Variants in HERC1 observed in about 807,000 individuals in gnomAD.
The protein encoded by HERC1 is probable E3 ubiquitin-protein ligase HERC1.
A neutral mutation model predicts 554.3 loss-of-function variants in HERC1; 160 were observed. That is an observed-to-expected ratio of 0.29 (90% CI 0.25 to 0.33). The LOEUF is 0.33. Ranked by LOEUF, HERC1 falls within the 10% of genes least tolerant of loss-of-function variation. The pLI is 1.00. For synonymous variants in HERC1, 2,175 were observed against 2,131.7 expected, an observed-to-expected ratio of 1.02 and a Z score of -0.56; for missense variants, 4,919 against 5,918.5, an observed-to-expected ratio of 0.83 and a Z score of 5.54.
chr15:63,668,250 T>A (rs1039602435), intron 40 of HERC1, among the ~76,000 whole-genome samples: 22 of 151,938 alleles, frequency 1.4e-4, no homozygotes, highest in African/African-American at 5.1e-4. Flanking sequence ...AATATCAGAT[T>A]GGATTAAAAA....
rs770844465 is a variant in HERC1 at position 63,612,443 on chromosome 15, T to A, written c.14208A>T (p.Glu4736Asp). ...MVCGMPEISV[E>D]VLKKVVRYRE... is the part of the protein sequence containing the mutation. ...GGTACCGCACCACTTTCTTCAAGACTTCCACAGAGATCTCGGGCATCCCAC... is the reference window on the plus strand; with the variant it reads ...GGTACCGCACCACTTTCTTCAAGACATCCACAGAGATCTCGGGCATCCCAC... The change falls in exon 77 of 78, where the codon GAA becomes GAT. Residue 4736 changes from glutamate to aspartate, a missense_variant. Transcript: ENST00000443617. The surrounding 1 kb of genome is among the most constrained non-coding windows in gnomAD (Gnocchi z 5.0). 4 of 1,614,020 alleles carry A rather than the reference T, an allele frequency of 2.5e-6. No individual in the cohort carries two copies. In the South Asian group the frequency reaches 4.4e-5, roughly 18 times the overall value.
intron 40 of HERC1, among the ~76,000 whole-genome samples, chr15:63,667,441 A>T (rs1766448051): frequency 6.6e-6 from 1 of 152,220 alleles, no homozygotes; most frequent in Admixed American, 6.5e-5. Context: ...TCAAATGTCT[A>T]CTGATGAAAA....
In HERC1 at chr15:63,678,362, T is replaced by C. The variant is rs1476536854; in HGVS notation, c.6553A>G (p.Lys2185Glu). Residue 2185 changes from lysine to glutamate, a missense_variant, in exon 37 of 78, where the codon AAA (lysine) becomes GAA (glutamate). Lys to Glu is a moderately conservative substitution (Grantham distance 56). Coordinates refer to ENST00000443617, the MANE Select transcript of HERC1 (RefSeq NM_003922.4). The part of the protein sequence containing the change: ...FYSSNPGEKV[K>E]ICDMQMRGTP... The stretch of plus-strand genomic sequence containing the variant: ...CCACGCATCTGCATATCACAAATTT[T>C]CACCTATATAAAAGTAAAGAGGGTG... The C allele has an allele frequency of 6.3e-7, 1 of 1,586,770 alleles. No individual in the cohort carries two copies. The highest frequency in any genetic ancestry group is 8.6e-7 in the Non-Finnish European group (1 of 1,168,406).
intron 34 of HERC1, among the ~76,000 whole-genome samples, chr15:63,685,354 C>A (rs2071694633): frequency 1.3e-5 from 2 of 152,196 alleles, no homozygotes; most frequent in South Asian, 4.1e-4. Context: ...ACCTGTGCTG[C>A]CTATTATATG....
intron 1 of HERC1, among the ~76,000 whole-genome samples, chr15:63,801,387 T>C (rs1047900403): frequency 5.9e-5 from 9 of 152,190 alleles, no homozygotes; most frequent in Admixed American, 5.2e-4. Context: ...TGATGCTAAC[T>C]CTGGATAGTG....
At chr15:63,817,956 T>C (rs967232721) in intron 1 of HERC1, among the ~76,000 whole-genome samples, 2 of 152,074 alleles carry the variant, frequency 1.3e-5, no homozygotes, top group Admixed American at 6.5e-5. Context: ...ATTCCCATAA[T>C]AGATTAATCC....
At chr15:63,769,834 C>A (rs1487819888) in intron 2 of HERC1, among the ~76,000 whole-genome samples, 1 of 152,128 alleles carries the variant, frequency 6.6e-6, no homozygotes. Flanking sequence ...CCAGCCTGGG[C>A]ATCAGAGCAA....
intron 54 of HERC1, among the ~76,000 whole-genome samples, chr15:63,649,130 G>A (rs573347933): frequency 2.6e-5 from 4 of 152,268 alleles, no homozygotes; most frequent in East Asian, 3.9e-4. Context: ...CAAGGTGGGC[G>A]GATCACAAGG....
intron 64 of HERC1, 137 bp from the exon 65 acceptor site, chr15:63,636,279 T>TG (rs1279623687): frequency 7.7e-6 from 6 of 781,054 alleles, no homozygotes; most frequent in Non-Finnish European, 1.2e-5. Context: ...ATTAGTTTTT[T>TG]TTTTTTTTTT....
At chr15:63,767,931 T>C (rs759550276) in intron 2 of HERC1, among the ~76,000 whole-genome samples, 3 of 152,212 alleles carry the variant, frequency 2.0e-5, no homozygotes, top group Non-Finnish European at 2.9e-5. Flanking sequence ...TCTCTTCATA[T>C]AGCTTCCTTT....
At chr15:63,618,321 G>A (rs560240690) in intron 74 of HERC1, among the ~76,000 whole-genome samples, 1,968 of 152,154 alleles carry the variant, frequency 0.013, 41 homozygotes, top group African/African-American at 0.044. Flanking sequence ...GTAGATATGC[G>A]GCATTATTTC....
chr15:63,772,568 G>C (rs1454651521), intron 2 of HERC1, among the ~76,000 whole-genome samples: 1 of 151,466 alleles, frequency 6.6e-6, no homozygotes, highest in East Asian at 1.9e-4. Flanking sequence ...CTTGAAAGGA[G>C]TATAACATAA....
Position 63,654,254 on chromosome 15 carries a change from T to C in HERC1, c.10155A>G (p.Gln3385=), listed in dbSNP as rs538333871. ...TGCGCACGAGTTGCTGAGCTGCCCA[T>C]TGCCGATGCTGTGAGGACAGCCTGG... The part of the protein sequence containing the change: ...LSSRLSSQHR[Q]WAAQQLVRTL... Residue 3385 remains glutamine, a synonymous_variant, in exon 51 of 78, where the codon CAA becomes CAG. Transcript: ENST00000443617. 100 of 1,613,820 alleles carry C rather than the reference T, an allele frequency of 6.2e-5. No homozygotes were observed. The South Asian group carries it at 9.6e-4, about 15-fold the overall frequency.
intron 3 of HERC1, among the ~76,000 whole-genome samples, chr15:63,763,077 G>A (rs2075662308): frequency 6.6e-6 from 1 of 152,148 alleles, no homozygotes; most frequent in African/African-American, 2.4e-5. Flanking sequence ...AGAGCTCAGG[G>A]CCTTTGTGGG....
chr15:63,763,319 A>G (rs1347537494), intron 3 of HERC1, among the ~76,000 whole-genome samples: 4 of 152,216 alleles, frequency 2.6e-5, no homozygotes, highest in Non-Finnish European at 5.9e-5. Flanking sequence ...AAGAGAGACA[A>G]CCAGATAGAA....
Position 63,749,662 on chromosome 15 carries a change from A to G in HERC1, c.2032T>C (p.Leu678=). The stretch of plus-strand genomic sequence containing the variant: ...ATGACTTTACCATGAGAAAGAGCCA[A>G]ACAATGACTGTCTCCAATAGAAACA... ...VDVSIGDSHC[L]ALSHDNEVYA... Residue 678 remains leucine, a synonymous_variant, in exon 9 of 78, where the codon TTG becomes CTG. Transcript: ENST00000443617. This position sits in a 1 kb window ranked among gnomAD's most constrained non-coding sequence, Gnocchi z 4.1. 1 of 1,599,746 alleles carries G rather than the reference A, an allele frequency of 6.3e-7. No individual in the cohort carries two copies. Among genetic ancestry groups the G allele is most frequent in the Non-Finnish European group, 8.5e-7 (1 of 1,172,316 alleles).
chr15:63,712,476 G>C (rs2073348702), intron 24 of HERC1, among the ~76,000 whole-genome samples: 1 of 152,212 alleles, frequency 6.6e-6, no homozygotes, highest in Non-Finnish European at 1.5e-5. Flanking sequence ...CAGGTTTGGA[G>C]AGAGACGAGT....
chr15:63,664,449 G>T (rs187513609), intron 43 of HERC1, 21 bp downstream of exon 43: 1 of 1,465,670 alleles, frequency 6.8e-7, no homozygotes, highest in Non-Finnish European at 9.5e-7. Context: ...ACAAAGAAAA[G>T]GATACGGAAC....
In HERC1 at chr15:63,623,820, G is replaced by A. The variant is rs200748047; in HGVS notation, c.13516C>T (p.Arg4506Cys). The change falls in exon 73 of 78, where the codon CGC becomes TGC. Residue 4506 changes from arginine to cysteine, a missense_variant. Around this residue, in one of 11 missense-constraint regions of HERC1, gnomAD observed 410 missense variants for 467.0 expected, o/e 0.88. Coordinates refer to ENST00000443617, the MANE Select transcript of HERC1 (RefSeq NM_003922.4). ...QVVKLNASDL[R>C]LPSRAWKVKL... ...ACCTTCCACGCTCGGGAAGGCAGGC[G>A]GAGGTCTGAAGCATTCAGCTTAACT... is the stretch of plus-strand genomic sequence containing the variant. 45 of 1,613,960 alleles carry A rather than the reference G, an allele frequency of 2.8e-5. No homozygotes were observed. Among genetic ancestry groups the A allele is most frequent in the East Asian group, 1.3e-4 (6 of 44,880 alleles).
Sources: gnomAD v4.1 joint callset for allele counts (sites outside exome capture counted in the v4.1 genomes callset) on GRCh38, gnomAD v4.1.1 for gene constraint, gnomAD v4.1.1 regional missense constraint, Gnocchi (gnomAD v3.1) non-coding constraint, MANE v1.5 for transcripts, NCBI Gene and HGNC (gene_info 2026-07-23, HGNC 2026-07-21) for gene names.